TRIM66: variants seen among roughly 807,000 people sequenced by gnomAD.
TRIM66 encodes tripartite motif containing 66.
Under a neutral mutation model 148.2 loss-of-function variants are expected in TRIM66, and 99 were observed. The ratio of observed to expected loss-of-function variants is 0.67; its 90% CI spans 0.57 to 0.79. TRIM66 has a LOEUF of 0.79. Among genes scored for constraint, TRIM66 ranks in the 30% least tolerant of loss-of-function variants. The pLI, the probability that TRIM66 is intolerant of heterozygous loss-of-function variation, is 0.00. For missense variants in TRIM66, 1,666 were observed against 1,697.9 expected, an observed-to-expected ratio of 0.98 and a Z score of 0.33; for synonymous variants, 616 against 635.9, an observed-to-expected ratio of 0.97 and a Z score of 0.47.
chr11:8,634,562 T>A (rs1044344137), intron 15 of TRIM66, among the ~76,000 whole-genome samples: 2 of 152,184 alleles, frequency 1.3e-5, no homozygotes, highest in African/African-American at 4.8e-5. Context: ...CAGTTTCACT[T>A]GAGATGTAAG....
At chr11:8,641,810 C>T (rs1052775136) in intron 13 of TRIM66, among the ~76,000 whole-genome samples, 3 of 152,038 alleles carry the variant, frequency 2.0e-5, no homozygotes, top group African/African-American at 7.3e-5. Context: ...ATAGAGGTCT[C>T]GTGAGACCTG....
Position 8,657,276 on chromosome 11 carries a change from T to G in TRIM66, c.341-5373A>C, listed in dbSNP as rs560448114. 3.3e-4 allele frequency among the ~76,000 whole-genome samples: 50 copies of G among 152,228 alleles called. 1 individual carries two copies. Among genetic ancestry groups the G allele is most frequent in the African/African-American group, 1.2e-3 (48 of 41,538 alleles). On this transcript the variant is annotated intron_variant, in intron 6 of 24. Coordinates refer to ENST00000646038, the MANE Select transcript of TRIM66 (RefSeq NM_001388022.1). Reference sequence around the variant, plus strand: ...CCTCTGAGGGTTAGGAAGACTTCATTCCACAGCTCTTGTCCAGGGCTCCAG... The same window carrying G: ...CCTCTGAGGGTTAGGAAGACTTCATGCCACAGCTCTTGTCCAGGGCTCCAG...
At chr11:8,622,752 C>T in intron 18 of TRIM66, 64 bp downstream of exon 18, 2 of 1,429,234 alleles carry the variant, frequency 1.4e-6, no homozygotes, top group Admixed American at 2.0e-5. Flanking sequence ...ATGCTTCATC[C>T]CTGTGCCAGC....
At position 8,649,780 on chromosome 11, in the gene TRIM66, G is replaced by C; in HGVS notation, c.552C>G (p.Pro184=). The part of the protein sequence containing the change: ...CTEEHRHSPV[P]GGPFFPRAQK... ...GGGCCCGAGGAAAGAATGGGCCCCC[G>C]GGGACAGGGCTGTGTCGGTGTTCCT... The change falls in exon 8 of 25, where the codon CCC becomes CCG. Residue 184 remains proline, a synonymous_variant. Coordinates refer to ENST00000646038, the MANE Select transcript of TRIM66 (RefSeq NM_001388022.1). 2 of 1,551,570 alleles carry C rather than the reference G, an allele frequency of 1.3e-6. No individual in the cohort carries two copies. Among genetic ancestry groups the C allele is most frequent in the South Asian group, 2.4e-5 (2 of 84,052 alleles).
At position 8,649,767 on chromosome 11, in the gene TRIM66, A is replaced by T. The variant is rs1287672616; in HGVS notation, c.565T>A (p.Phe189Ile). The T allele has an allele frequency of 6.4e-7, 1 of 1,551,604 alleles. No homozygotes were observed. The highest frequency in any genetic ancestry group is 1.4e-5 in the African/African-American group (1 of 73,178). Residue 189 changes from phenylalanine (F) to isoleucine (I), a missense_variant, in exon 8 of 25, where the codon TTT (phenylalanine) becomes ATT (isoleucine). Physicochemically the swap from Phe to Ile is conservative, Grantham distance 21. Around this residue, in one of 3 missense-constraint regions of TRIM66, gnomAD observed 1,431 missense variants for 1,412.4 expected, o/e 1.01. Transcript: ENST00000646038. ...RHSPVPGGPF[F>I]PRAQKGSPGV... ...GGAGATCCCTTCTGGGCCCGAGGAA[A>T]GAATGGGCCCCCGGGGACAGGGCTG...
upstream of TRIM66, chr11:8,683,066 A>G: frequency 2.0e-6 from 2 of 989,464 alleles, no homozygotes; most frequent in East Asian, 2.4e-5. Flanking sequence ...CCCTGAGCGG[A>G]TCGGTACCCT....
At chr11:8,675,105 T>G (rs1367639670) in intron 3 of TRIM66, among the ~76,000 whole-genome samples, 1 of 152,242 alleles carries the variant, frequency 6.6e-6, no homozygotes, top group Non-Finnish European at 1.5e-5. Context: ...ATTGGTCATT[T>G]GGAAAATACC....
chr11:8,659,417 C>T (rs2038091579), intron 6 of TRIM66, among the ~76,000 whole-genome samples: 1 of 152,096 alleles, frequency 6.6e-6, no homozygotes, highest in South Asian at 2.1e-4. Flanking sequence ...ACTGACAGGA[C>T]ACAAGCAAAT....
Position 8,618,990 on chromosome 11 carries a change from G to C in TRIM66, c.3901-22C>G. ...CAGGCTGATGGGGGAGGAGAGCAGT[G>C]ATGGTCTAGCCTGTTTCTACCAGTC... On this transcript the variant is annotated intron_variant, in intron 23 of 24. Coordinates refer to ENST00000646038, the MANE Select transcript of TRIM66 (RefSeq NM_001388022.1). 3 of 1,546,150 alleles carry C rather than the reference G, an allele frequency of 1.9e-6. No homozygotes were observed. The South Asian group carries it at 3.6e-5, about 18-fold the overall frequency.
chr11:8,671,921 A>C lies in TRIM66; in HGVS notation c.205T>G (p.Ser69Ala), dbSNP rs770091818. Residue 69 changes from serine to alanine, a missense_variant, in exon 6 of 25, where the codon TCA becomes GCA. Ser to Ala is a moderately conservative substitution (Grantham distance 99, BLOSUM62 1). Transcript: ENST00000646038. ...CCTGGCAGGTCCTGATGGCACAATG[A>C]GCAGGTCATTACCATGGCCTCCATC... ...GQMEAMVMTC[S>A]LCHQDLPGMG... The C allele has an allele frequency of 1.3e-6, 2 of 1,536,160 alleles. No homozygotes were observed. The highest frequency in any genetic ancestry group is 1.7e-6 in the Non-Finnish European group (2 of 1,146,916).
chr11:8,646,568 A>C lies in TRIM66; in HGVS notation c.843-7T>G. On this transcript the variant is annotated splice_polypyrimidine_tract_variant and splice_region_variant and intron_variant, in intron 10 of 24. Transcript: ENST00000646038. Reference sequence around the variant, plus strand: ...ATGCTTCACTTCAAAAATCCTGTAAACACAATGGGACAAACCATGGTAAGC... The same window carrying C: ...ATGCTTCACTTCAAAAATCCTGTAACCACAATGGGACAAACCATGGTAAGC... 1 of 1,544,840 alleles carries C rather than the reference A, an allele frequency of 6.5e-7. No individual in the cohort carries two copies. Among genetic ancestry groups the C allele is most frequent in the Non-Finnish European group, 8.8e-7 (1 of 1,140,670 alleles).
chr11:8,617,725 A>G lies in TRIM66; in HGVS notation c.*219T>C. On this transcript the variant is annotated 3_prime_UTR_variant, in exon 25 of 25. Transcript: ENST00000646038. ...TCTGATTACTCTGGTAATAATAAAT[A>G]CCTTCCTCTTTCCTGTTTATTACTG... 1 of 547,680 alleles carries G rather than the reference A, an allele frequency of 1.8e-6. No individual in the cohort carries two copies. Among genetic ancestry groups the G allele is most frequent in the Admixed American group, 3.2e-5 (1 of 31,670 alleles). The allele number at this position is 547,680 out of a possible 1,614,324, so 33.9% of individuals were successfully genotyped here. A position where few individuals can be genotyped will look rare whatever the true frequency, so the allele number is the denominator to read the frequency against.
At position 8,631,624 on chromosome 11, in the gene TRIM66, G is replaced by A. The variant is rs145720631; in HGVS notation, c.2311-6396C>T. ...TTCTTTCAGTGAATGACCTCATACC[G>A]TGGCACTTTTCCAAGTGATGTTTCT... On this transcript the variant is annotated intron_variant, in intron 15 of 24. Transcript: ENST00000646038. Among the ~76,000 whole-genome samples, 448 of 152,250 alleles carry A rather than the reference G, an allele frequency of 2.9e-3. 3 individuals are homozygous for A. The highest frequency in any genetic ancestry group is 4.1e-3 in the Non-Finnish European group (279 of 68,032).
intron 15 of TRIM66, among the ~76,000 whole-genome samples, chr11:8,635,589 A>G (rs2035806289): frequency 6.6e-6 from 1 of 152,144 alleles, no homozygotes; most frequent in South Asian, 2.1e-4. Context: ...CAGGATGACA[A>G]ACTTGAGGGT....
chr11:8,682,994 G>T (rs1260017791), upstream of TRIM66: 9 of 930,518 alleles, frequency 9.7e-6, no homozygotes, highest in Non-Finnish European at 1.3e-5. Context: ...CCGTGTGTTA[G>T]GCCCGCGGTT....
intron 22 of TRIM66, 37 bp from the exon 23 acceptor site, chr11:8,619,572 G>C (rs777889320): frequency 3.8e-5 from 56 of 1,487,312 alleles, no homozygotes; most frequent in Admixed American, 1.0e-4. Context: ...GAGGCAAAGG[G>C]AGTGAGAGAA....
chr11:8,628,636 A>AAAAAAAAAAAAAAAAAGAGAGAGAG (rs1555042270), intron 15 of TRIM66, among the ~76,000 whole-genome samples: 26 of 93,384 alleles, frequency 2.8e-4, no homozygotes, highest in Admixed American at 4.8e-4. Context: ...AAAAAAAAAA[A>AAAAAAAAAAAAAAAAAGAGAGAGAG]AGAGAGAGAA....
rs765802832 is a variant in TRIM66, at chr11:8,613,110, GAA to G, written c.*4832_*4833del. On this transcript the variant is annotated 3_prime_UTR_variant, in exon 25 of 25. Transcript: ENST00000646038. ...AGTTCAGGAAAAGGAAGGGACTCAG[GAA>G]ATAGAGAGACAGACAGAGGAAGCAG... 2.6e-5 allele frequency: 4 copies of G among 152,202 alleles called. No homozygotes were observed. The highest frequency in any genetic ancestry group is 4.4e-5 in the Non-Finnish European group (3 of 68,080). The allele number at this position is 152,202 out of a possible 1,614,324, so 9.4% of individuals were successfully genotyped here.
chr11:8,641,964 G>A (rs2133108216), intron 13 of TRIM66, among the ~76,000 whole-genome samples: 1 of 152,230 alleles, frequency 6.6e-6, no homozygotes, highest in East Asian at 1.9e-4. Context: ...CATGCTTCCT[G>A]TACATCCTGC....
Sources: allele counts gnomAD v4.1 joint callset (sites outside exome capture counted in the v4.1 genomes callset), GRCh38; gene constraint gnomAD v4.1.1; regional missense constraint gnomAD v4.1.1; transcripts MANE v1.5; gene names NCBI Gene and HGNC (gene_info 2026-07-23, HGNC 2026-07-21).